The following RALGAPA1 variants were observed in gnomAD, a reference collection of about 807,000 sequenced individuals.
RALGAPA1 encodes the protein ral GTPase-activating protein subunit alpha-1.
RALGAPA1 carries 52 observed loss-of-function variants against 269.6 expected under a neutral mutation model. The observed-to-expected ratio is 0.19, with a 90% confidence interval of 0.15 to 0.24. The LOEUF (loss-of-function observed/expected upper bound fraction) is 0.24. Ranked by LOEUF, RALGAPA1 falls within the 10% of genes least tolerant of loss-of-function variation. The pLI, the probability that RALGAPA1 is intolerant of heterozygous loss-of-function variation, is 1.00. For missense variants in RALGAPA1, 1,917 were observed against 3,013.9 expected (o/e 0.64, Z 8.52); for synonymous variants, 817 against 1,008.3 (o/e 0.81, Z 3.60).
chr14:35,569,181 G>A (rs1041602468), intron 39 of RALGAPA1, among the ~76,000 whole-genome samples: 6 of 152,132 alleles, frequency 3.9e-5, no homozygotes, highest in Non-Finnish European at 8.8e-5. Flanking sequence ...AGAAGAAAAT[G>A]TACGTGGTAA....
At chr14:35,685,755 T>C (rs1262995703) in intron 19 of RALGAPA1, among the ~76,000 whole-genome samples, 1 of 152,064 alleles carries the variant, frequency 6.6e-6, no homozygotes, top group Non-Finnish European at 1.5e-5. Context: ...AATAGAACAA[T>C]TATCCAGGCA....
intron 35 of RALGAPA1, 117 bp downstream of exon 35, chr14:35,625,244 A>G: frequency 1.6e-6 from 1 of 630,592 alleles, no homozygotes; most frequent in Non-Finnish European, 2.5e-6. Flanking sequence ...TTTTGCTCAG[A>G]AAGTTATAAA....
chr14:35,794,601 C>G (rs949571790), intron 1 of RALGAPA1, among the ~76,000 whole-genome samples: 46 of 152,226 alleles, frequency 3.0e-4, no homozygotes, highest in South Asian at 1.0e-3. Flanking sequence ...GGACTACAGG[C>G]GCCCGCCACG....
intron 39 of RALGAPA1, among the ~76,000 whole-genome samples, chr14:35,564,813 T>C (rs1415132081): frequency 6.6e-6 from 1 of 152,108 alleles, no homozygotes. Flanking sequence ...AAAACAGACA[T>C]GTTGCATTCC....
chr14:35,747,615 G>A (rs1047199496), intron 10 of RALGAPA1, among the ~76,000 whole-genome samples: 1 of 152,210 alleles, frequency 6.6e-6, no homozygotes, highest in Non-Finnish European at 1.5e-5. Context: ...TCCCTGGAAT[G>A]TGAATGCAGT....
At chr14:35,787,956 T>A (rs1349004796) in intron 1 of RALGAPA1, among the ~76,000 whole-genome samples, 1 of 151,964 alleles carries the variant, frequency 6.6e-6, no homozygotes, top group Non-Finnish European at 1.5e-5. Flanking sequence ...ATTCAGGGAT[T>A]TCTACTCAGT....
intron 21 of RALGAPA1, among the ~76,000 whole-genome samples, chr14:35,680,266 G>A (rs57327713): frequency 0.019 from 2,918 of 152,142 alleles, 99 homozygotes; most frequent in African/African-American, 0.066. Flanking sequence ...GGAATGCAGC[G>A]GCATGATCGT....
intron 7 of RALGAPA1, among the ~76,000 whole-genome samples, chr14:35,755,502 G>A (rs2073092091): frequency 1.3e-5 from 2 of 152,114 alleles, no homozygotes; most frequent in Admixed American, 6.6e-5. Flanking sequence ...AGTTTATTGT[G>A]TATCAATTAT....
intron 14 of RALGAPA1, 52 bp downstream of exon 14, chr14:35,724,972 C>A: frequency 7.2e-7 from 1 of 1,388,878 alleles, no homozygotes; most frequent in East Asian, 2.6e-5. Context: ...CAAAACAAAA[C>A]AAAACAACCC....
At chr14:35,558,270 C>T (rs960889959) in intron 39 of RALGAPA1, among the ~76,000 whole-genome samples, 1 of 152,090 alleles carries the variant, frequency 6.6e-6, no homozygotes, top group African/African-American at 2.4e-5. Context: ...ATTATTTTAG[C>T]ACTTGTGTTA....
intron 41 of RALGAPA1, 116 bp downstream of exon 41, chr14:35,548,392 G>T (rs553577797): frequency 3.8e-5 from 24 of 639,734 alleles, no homozygotes; most frequent in Non-Finnish European, 5.3e-5. Context: ...TGTTTAGTAT[G>T]AACCGGACAG....
intron 41 of RALGAPA1, among the ~76,000 whole-genome samples, chr14:35,547,922 C>T (rs1235047826): frequency 1.3e-5 from 2 of 151,992 alleles, no homozygotes; most frequent in African/African-American, 4.8e-5. Flanking sequence ...GTAACTTTTT[C>T]CAAATAAATT....
At chr14:35,639,753 G>C (rs905381091) in intron 31 of RALGAPA1, among the ~76,000 whole-genome samples, 8 of 151,844 alleles carry the variant, frequency 5.3e-5, no homozygotes, top group Non-Finnish European at 1.0e-4. Flanking sequence ...TCCTGGCTAA[G>C]ACGGTGAAAC....
At chr14:35,568,599 A>G (rs889430417) in intron 39 of RALGAPA1, among the ~76,000 whole-genome samples, 2 of 152,206 alleles carry the variant, frequency 1.3e-5, no homozygotes, top group African/African-American at 2.4e-5. Flanking sequence ...GGGTTTCACA[A>G]ATCATTCTCC....
chr14:35,681,732 C>T (rs947767579), intron 21 of RALGAPA1, among the ~76,000 whole-genome samples: 1 of 152,100 alleles, frequency 6.6e-6, no homozygotes, highest in Non-Finnish European at 1.5e-5. Context: ...TTGTAACCAA[C>T]ATCACAAACA....
intron 1 of RALGAPA1, among the ~76,000 whole-genome samples, chr14:35,794,587 G>A (rs562001783): frequency 1.1e-4 from 16 of 152,262 alleles, no homozygotes; most frequent in African/African-American, 3.9e-4. Flanking sequence ...CTCCCGAGTA[G>A]CTGGGACTAC....
chr14:35,677,917 A>T lies in RALGAPA1; in HGVS notation c.4624+33T>A, dbSNP rs1263428996. ...TCTCCTGACACTGACGCCCTAAAAG[A>T]AAAAAGGTAAATATCTAATTTTGAA... On this transcript the variant is annotated intron_variant, in intron 22 of 41. Transcript: ENST00000680220. The T allele has an allele frequency of 1.9e-6, 3 of 1,601,998 alleles. No individual in the cohort carries two copies. The African/African-American group carries it at 4.0e-5, about 21-fold the overall frequency.
At chr14:35,802,716 G>A (rs957689724) in intron 1 of RALGAPA1, among the ~76,000 whole-genome samples, 28 of 145,674 alleles carry the variant, frequency 1.9e-4, no homozygotes, top group South Asian at 4.3e-4. Flanking sequence ...CAGTGTCACT[G>A]TGTCACCCAG....
rs1191655089 is a variant in RALGAPA1, at chr14:35,645,379, GTGTGTGTGTGTA to G, written c.5676+6414_5676+6425del. Among the ~76,000 whole-genome samples the G allele has an allele frequency of 4.6e-5, 7 of 151,268 alleles. 1 individual carries two copies. The highest frequency in any genetic ancestry group is 1.7e-4 in the African/African-American group (7 of 41,086). ...TGTGTGTGTGTGTGTGTGTGTGTGT[GTGTGTGTGTGTA>G]TATGTTATGTATTTCCTAGCTGTAT... On this transcript the variant is annotated intron_variant, in intron 31 of 41. Transcript: ENST00000680220.
Sources: gnomAD v4.1 joint callset for allele counts (sites outside exome capture counted in the v4.1 genomes callset) on GRCh38, gnomAD v4.1.1 for gene constraint, MANE v1.5 for transcripts, NCBI Gene and HGNC (gene_info 2026-07-23, HGNC 2026-07-21) for gene names.